EXPH5: variants seen among roughly 807,000 people sequenced by gnomAD.
EXPH5 encodes the protein exophilin 5.
In EXPH5, 42 loss-of-function variants were observed where a neutral mutation model predicts 41.1. The ratio of observed to expected loss-of-function variants is 1.02; its 90% CI spans 0.80 to 1.32. The LOEUF (loss-of-function observed/expected upper bound fraction) is 1.32. Among genes scored for constraint, EXPH5 ranks in the 40% most tolerant of loss-of-function variants. EXPH5 has a pLI of 0.00. For missense variants in EXPH5, 2,298 were observed against 2,314.5 expected, an observed-to-expected ratio of 0.99 and a Z score of 0.15; for synonymous variants, 798 against 833.5, an observed-to-expected ratio of 0.96 and a Z score of 0.73.
chr11:108,572,110 T>G (rs2094062456), intron 1 of EXPH5, among the ~76,000 whole-genome samples: 1 of 151,010 alleles, frequency 6.6e-6, no homozygotes. Flanking sequence ...GCAACTACAG[T>G]GGAGTTCAAA....
At chr11:108,544,710 A>G (rs1397849837) in intron 1 of EXPH5, among the ~76,000 whole-genome samples, 1 of 152,212 alleles carries the variant, frequency 6.6e-6, no homozygotes, top group African/African-American at 2.4e-5. Flanking sequence ...GCTAACAATA[A>G]TTATGTAGAC....
chr11:108,560,185 G>C (rs890075214), intron 1 of EXPH5, among the ~76,000 whole-genome samples: 2 of 152,218 alleles, frequency 1.3e-5, no homozygotes, highest in African/African-American at 2.4e-5. Flanking sequence ...GTTCCCATCA[G>C]GGATAGTGGA....
At chr11:108,561,221 A>T (rs889475618) in intron 1 of EXPH5, among the ~76,000 whole-genome samples, 3 of 152,206 alleles carry the variant, frequency 2.0e-5, no homozygotes, top group African/African-American at 7.2e-5. Context: ...TATTTGGTAT[A>T]TGTTTATGGT....
rs1591670249 is a variant in EXPH5 at position 108,514,824 on chromosome 11, A to G, written c.683T>C (p.Val228Ala). 6.4e-7 allele frequency: 1 copy of G among 1,565,452 alleles called. No homozygotes were observed. ...KLAQEQSASS[V>A]NTRTPLNYGS... ...ATAGTTGAGGGGTGTTCTGGTATTC[A>G]CTGAGCTTGCAGACTGTTCCTGAGC... The change falls in exon 6 of 6, where the codon GTG becomes GCG. Residue 228 changes from valine to alanine, a missense_variant. Physicochemically the swap from Val to Ala is moderately conservative, Grantham distance 64. Transcript: ENST00000265843.
At chr11:108,519,835 AGCTACCTGG>A (rs2093753264) in intron 4 of EXPH5, among the ~76,000 whole-genome samples, 1 of 151,386 alleles carries the variant, frequency 6.6e-6, no homozygotes, top group South Asian at 2.1e-4. Flanking sequence ...CTGTAATCCC[AGCTACCTGG>A]GAGGGCTGAG....
intron 1 of EXPH5, among the ~76,000 whole-genome samples, chr11:108,574,932 C>T (rs1318059382): frequency 6.6e-6 from 1 of 152,172 alleles, no homozygotes; most frequent in East Asian, 1.9e-4. Context: ...GTTACAAAGG[C>T]ACCATTCTAA....
At chr11:108,524,014 G>A (rs1373607764) in intron 4 of EXPH5, among the ~76,000 whole-genome samples, 11 of 152,276 alleles carry the variant, frequency 7.2e-5, no homozygotes, top group South Asian at 4.1e-4. Context: ...GCTCTACATA[G>A]GTTCCAATCC....
chr11:108,575,392 T>C (rs774386823), intron 1 of EXPH5, among the ~76,000 whole-genome samples: 4 of 152,230 alleles, frequency 2.6e-5, no homozygotes, highest in Non-Finnish European at 5.9e-5. Flanking sequence ...ACATGAGTAA[T>C]TCTACTTTTT....
rs150349944 is a variant in EXPH5, at chr11:108,580,758, G to A, written c.119+12660C>T. Among the ~76,000 whole-genome samples, 301 of 152,286 alleles carry A rather than the reference G, an allele frequency of 2.0e-3. 1 individual carries two copies. Among genetic ancestry groups the A allele is most frequent in the African/African-American group, 6.8e-3 (282 of 41,564 alleles). On this transcript the variant is annotated intron_variant, in intron 1 of 5. Coordinates refer to ENST00000265843, the MANE Select transcript of EXPH5 (RefSeq NM_015065.3). ...GAGATCTTGTCATTTGTGGCAACAT[G>A]GATGAAACTGGATGACATTATGTTA...
At chr11:108,521,807 G>T (rs997926097) in intron 4 of EXPH5, among the ~76,000 whole-genome samples, 2 of 152,158 alleles carry the variant, frequency 1.3e-5, no homozygotes, top group African/African-American at 4.8e-5. Context: ...ATCTGATTAA[G>T]AGAACAGTAG....
rs1406118059 is a variant in EXPH5 at position 108,511,858 on chromosome 11, AGTCTGAGC to A, written c.3641_3648del (p.Cys1214PhefsTer12). 6.3e-7 allele frequency: 1 copy of A among 1,589,128 alleles called. No homozygotes were observed. The highest frequency in any genetic ancestry group is 8.5e-7 in the Non-Finnish European group (1 of 1,172,470). ...GTTTTCCCACGTTCTTTTCCTGACA[AGTCTGAGC>A]AAAAAGGTAAAGGGTCTTCATTTGA... On this transcript the variant is annotated frameshift_variant, in exon 6 of 6. Transcript: ENST00000265843. LOFTEE classifies it low-confidence loss of function (END_TRUNC).
intron 1 of EXPH5, among the ~76,000 whole-genome samples, chr11:108,569,586 T>C (rs1321948171): frequency 6.6e-6 from 1 of 152,126 alleles, no homozygotes; most frequent in Admixed American, 6.6e-5. Flanking sequence ...TGATCCGCCC[T>C]CTTCAGCCTC....
Position 108,510,868 on chromosome 11 carries a change from C to T in EXPH5, c.4639G>A (p.Ala1547Thr). The change falls in exon 6 of 6, where the codon GCA (alanine) becomes ACA (threonine). Residue 1547 changes from alanine to threonine, a missense_variant. Physicochemically the swap from Ala to Thr is moderately conservative, Grantham distance 58. Coordinates refer to ENST00000265843, the MANE Select transcript of EXPH5 (RefSeq NM_015065.3). Reference protein sequence around the residue: ...PRELPQRSQEANMTESRKAED... With the variant: ...PRELPQRSQETNMTESRKAED... ...GCCTTCCTGCTCTCTGTCATATTTG[C>T]CTCCTGACTTCTTTGAGGTAATTCT... 2 of 1,614,204 alleles carry T rather than the reference C, an allele frequency of 1.2e-6. No individual in the cohort carries two copies. Among genetic ancestry groups the T allele is most frequent in the Non-Finnish European group, 1.7e-6 (2 of 1,180,034 alleles).
chr11:108,533,496 C>T (rs552189733), intron 3 of EXPH5, among the ~76,000 whole-genome samples: 40 of 152,316 alleles, frequency 2.6e-4, no homozygotes, highest in Admixed American at 2.0e-3. Flanking sequence ...AGCCACCTCG[C>T]CCGGCCTACA....
chr11:108,555,657 G>C (rs2093986484), intron 1 of EXPH5, among the ~76,000 whole-genome samples: 1 of 152,180 alleles, frequency 6.6e-6, no homozygotes, highest in Non-Finnish European at 1.5e-5. Context: ...GGACCTCGTG[G>C]GAGGTGATTA....
rs1360332740 is a variant in EXPH5, at chr11:108,512,824, G to A, written c.2683C>T (p.Leu895Phe). ...PDSSPSKNSS[L>F]DAPVVPSTTV... ...GTAGATGGAACCACAGGAGCATCAA[G>A]GGAAGAATTCTTTGATGGTGAGGAA... Residue 895 changes from leucine (L) to phenylalanine (F), a missense_variant, in exon 6 of 6, where the codon CTT becomes TTT. Coordinates refer to ENST00000265843, the MANE Select transcript of EXPH5 (RefSeq NM_015065.3). 1.2e-6 allele frequency: 2 copies of A among 1,614,050 alleles called. No homozygotes were observed. The highest frequency in any genetic ancestry group is 1.7e-6 in the Non-Finnish European group (2 of 1,180,012).
At chr11:108,596,384 A>T (rs943584379), upstream of EXPH5, among the ~76,000 whole-genome samples, 1 of 152,172 alleles carries the variant, frequency 6.6e-6, no homozygotes, top group African/African-American at 2.4e-5. Flanking sequence ...GCTGGATTTG[A>T]TAACTCATTA....
Position 108,528,210 on chromosome 11 carries a change from C to A in EXPH5, c.444-26G>T, listed in dbSNP as rs576495349. The A allele has an allele frequency of 8.8e-6, 14 of 1,582,822 alleles. No individual in the cohort carries two copies. The African/African-American group carries it at 1.1e-4, about 12-fold the overall frequency. On this transcript the variant is annotated intron_variant, in intron 3 of 5. Transcript: ENST00000265843. ...CTGTGGAAATAATTTGAAATGATTT[C>A]TTTGAAGAAGAGCCTAACTTTTACC...
In EXPH5 at chr11:108,575,062, A is replaced by G. The variant is rs78140492; in HGVS notation, c.119+18356T>C. 1.2e-4 allele frequency among the ~76,000 whole-genome samples: 18 copies of G among 152,368 alleles called. No individual in the cohort carries two copies. The East Asian group carries it at 3.1e-3, about 26-fold the overall frequency. The stretch of plus-strand genomic sequence containing the variant: ...AGATTTTCTGTTATTTGTGACCAGA[A>G]GCTTTCTGGATACAGATCCTCATAT... On this transcript the variant is annotated intron_variant, in intron 1 of 5. Coordinates refer to ENST00000265843, the MANE Select transcript of EXPH5 (RefSeq NM_015065.3).
Sources: allele counts gnomAD v4.1 joint callset (sites outside exome capture counted in the v4.1 genomes callset), GRCh38; gene constraint gnomAD v4.1.1; transcripts MANE v1.5; gene names NCBI Gene and HGNC (gene_info 2026-07-23, HGNC 2026-07-21).